Variants in MAGI2 observed in about 807,000 individuals in gnomAD.
MAGI2 encodes membrane associated guanylate kinase, WW and PDZ domain containing 2.
In MAGI2, 35 loss-of-function variants were observed where a neutral mutation model predicts 133.3. The observed-to-expected ratio is 0.26, with a 90% CI of 0.20 to 0.35. MAGI2 has a LOEUF of 0.35. MAGI2 is among the 10% of genes least tolerant of loss of function. The probability of loss-of-function intolerance (pLI) is 1.00; values close to 1 mark genes in which losing one functional copy is unlikely to be tolerated. For synonymous variants in MAGI2, 729 were observed against 710.6 expected (o/e 1.03, Z -0.41); for missense variants, 1,636 against 1,863.4 (o/e 0.88, Z 2.25).
chr7:78,118,743 G>A (rs10953462), intron 20 of MAGI2, among the ~76,000 whole-genome samples: 130,399 of 152,094 alleles, frequency 0.86, 56,312 homozygotes, highest in African/African-American at 0.91. Context: ...ACTCTCAATC[G>A]TCACTGGTGG....
chr7:79,429,785 C>T (rs1480453073), intron 1 of MAGI2, among the ~76,000 whole-genome samples: 4 of 152,186 alleles, frequency 2.6e-5, no homozygotes, highest in East Asian at 1.9e-4. Flanking sequence ...CATATTAAAA[C>T]TGACTCTTTT....
intron 6 of MAGI2, among the ~76,000 whole-genome samples, chr7:78,376,570 A>G (rs1264253044): frequency 6.6e-6 from 1 of 152,154 alleles, no homozygotes; most frequent in African/African-American, 2.4e-5. Flanking sequence ...GAAAGATGTG[A>G]TTGCAGAGAA....
In MAGI2 at chr7:78,850,300, A is replaced by G. The variant is rs541580171; in HGVS notation, c.418+156790T>C. 2.6e-5 allele frequency among the ~76,000 whole-genome samples: 4 copies of G among 152,226 alleles called. No individual in the cohort carries two copies. In the East Asian group the frequency reaches 7.8e-4, roughly 30 times the overall value. ...AAATGAAAGCTTCAGTCTAAAGTCC[A>G]TGTTTTTAAACTGCTGCTGTAGTGC... On this transcript the variant is annotated intron_variant, in intron 2 of 21. Coordinates refer to ENST00000354212, the MANE Select transcript of MAGI2 (RefSeq NM_012301.4).
chr7:79,247,441 C>T (rs1276085066), intron 1 of MAGI2, among the ~76,000 whole-genome samples: 5 of 152,000 alleles, frequency 3.3e-5, no homozygotes, highest in Non-Finnish European at 7.4e-5. Context: ...ATGGTGAGAC[C>T]TCGTCTCTAA....
chr7:78,892,802 T>TC (rs1796877130), intron 2 of MAGI2, among the ~76,000 whole-genome samples: 2 of 152,058 alleles, frequency 1.3e-5, no homozygotes, highest in African/African-American at 4.8e-5. Flanking sequence ...GCATTACCAT[T>TC]CAGGACATAG....
intron 9 of MAGI2, among the ~76,000 whole-genome samples, chr7:78,299,625 T>A (rs552784549): frequency 1.3e-5 from 2 of 152,242 alleles, no homozygotes; most frequent in African/African-American, 4.8e-5. Context: ...AGTTTAGGGG[T>A]ACATGTACAA....
Position 78,884,900 on chromosome 7 carries a change from C to T in MAGI2, c.418+122190G>A, listed in dbSNP as rs143332238. Among the ~76,000 whole-genome samples, 61 of 152,238 alleles carry T rather than the reference C, an allele frequency of 4.0e-4. No individual in the cohort carries two copies. The East Asian group carries it at 0.011, about 27-fold the overall frequency. On this transcript the variant is annotated intron_variant, in intron 2 of 21. Coordinates refer to ENST00000354212, the MANE Select transcript of MAGI2 (RefSeq NM_012301.4). ...TTTATCATAGTACTATTCATAATAG[C>T]AAATACATGGAATCAACCTAGGTGC...
intron 2 of MAGI2, among the ~76,000 whole-genome samples, chr7:78,736,041 GGAA>G (rs956553429): frequency 1.1e-4 from 17 of 152,236 alleles, no homozygotes; most frequent in Admixed American, 8.5e-4. Context: ...AGATCTAATA[GGAA>G]GAAGACGTGA....
intron 1 of MAGI2, among the ~76,000 whole-genome samples, chr7:79,064,617 A>G (rs1814121418): frequency 6.6e-6 from 1 of 152,010 alleles, no homozygotes; most frequent in South Asian, 2.1e-4. Context: ...CTACATTTGT[A>G]CTCTTGGTTT....
At chr7:79,011,340 T>A (rs1028698937) in intron 1 of MAGI2, among the ~76,000 whole-genome samples, 1 of 152,116 alleles carries the variant, frequency 6.6e-6, no homozygotes, top group Non-Finnish European at 1.5e-5. Context: ...AGAGACATAA[T>A]CTCCTTGGTA....
chr7:79,427,820 T>C (rs1268979401), intron 1 of MAGI2, among the ~76,000 whole-genome samples: 2 of 152,124 alleles, frequency 1.3e-5, no homozygotes, highest in Non-Finnish European at 1.5e-5. Context: ...AGTCACTTGC[T>C]GGATGGATTG....
intron 6 of MAGI2, among the ~76,000 whole-genome samples, chr7:78,388,731 C>T (rs1003486023): frequency 6.6e-6 from 1 of 152,162 alleles, no homozygotes; most frequent in South Asian, 2.1e-4. Context: ...TGAAAGCAAA[C>T]ACAATTCTGA....
chr7:78,842,239 T>C (rs1331929423), intron 2 of MAGI2, among the ~76,000 whole-genome samples: 1 of 151,932 alleles, frequency 6.6e-6, no homozygotes, highest in Non-Finnish European at 1.5e-5. Flanking sequence ...GAACCTCCTG[T>C]AAGGAGAGAT....
chr7:79,444,290 C>T (rs902177567), intron 1 of MAGI2, among the ~76,000 whole-genome samples: 5 of 152,108 alleles, frequency 3.3e-5, no homozygotes, highest in Non-Finnish European at 7.3e-5. Flanking sequence ...TCCTATTCAA[C>T]ATAGTGTTGG....
chr7:78,129,523 A>T (rs1821329071), intron 18 of MAGI2, among the ~76,000 whole-genome samples: 1 of 152,228 alleles, frequency 6.6e-6, no homozygotes, highest in Non-Finnish European at 1.5e-5. Context: ...TCAATTGCTA[A>T]AGAGATTTTA....
intron 1 of MAGI2, among the ~76,000 whole-genome samples, chr7:79,392,320 C>T (rs763570837): frequency 2.5e-4 from 38 of 152,114 alleles, no homozygotes; most frequent in Non-Finnish European, 4.6e-4. Context: ...AATAAACATA[C>T]GTGTGCATGT....
chr7:79,134,084 C>G (rs1402704789), intron 1 of MAGI2, among the ~76,000 whole-genome samples: 3 of 151,968 alleles, frequency 2.0e-5, no homozygotes, highest in Non-Finnish European at 2.9e-5. Context: ...AATGTTAAAC[C>G]AAAATCTCAA....
At chr7:78,670,746 A>G (rs1010438560) in intron 2 of MAGI2, among the ~76,000 whole-genome samples, 1 of 152,212 alleles carries the variant, frequency 6.6e-6, no homozygotes, top group Non-Finnish European at 1.5e-5. Flanking sequence ...GGAACAGAAC[A>G]GAGCCCTCAG....
At chr7:79,427,448 A>G (rs1847466886) in intron 1 of MAGI2, among the ~76,000 whole-genome samples, 1 of 152,206 alleles carries the variant, frequency 6.6e-6, no homozygotes, top group Non-Finnish European at 1.5e-5. Flanking sequence ...GTGTCATGCA[A>G]TAAGTGATCT....
Sources: gnomAD v4.1 joint callset for allele counts (sites outside exome capture counted in the v4.1 genomes callset) on GRCh38, gnomAD v4.1.1 for gene constraint, MANE v1.5 for transcripts, NCBI Gene and HGNC (gene_info 2026-07-23, HGNC 2026-07-21) for gene names.